The following NAALADL2 variants were observed in gnomAD, a reference collection of about 807,000 sequenced individuals.
The protein encoded by NAALADL2 is inactive N-acetylated-alpha-linked acidic dipeptidase-like protein 2.
Under a neutral mutation model 87.2 loss-of-function variants are expected in NAALADL2, and 76 were observed. The ratio of observed to expected loss-of-function variants is 0.87; its 90% CI spans 0.72 to 1.05. The LOEUF is 1.05. Among genes scored for constraint, NAALADL2 ranks in the 50% least tolerant of loss-of-function variants. The probability of loss-of-function intolerance (pLI) is 0.00; values close to 1 mark genes in which losing one functional copy is unlikely to be tolerated. For missense variants in NAALADL2, 1,089 were observed against 945.8 expected (o/e 1.15, Z -1.99); for synonymous variants, 354 against 331.0 (o/e 1.07, Z -0.75).
chr3:174,866,664 A>T (rs986790070), intron 1 of NAALADL2, among the ~76,000 whole-genome samples: 36 of 151,826 alleles, frequency 2.4e-4, no homozygotes, highest in African/African-American at 8.7e-4. Flanking sequence ...ACTATGGCAG[A>T]TCTGGGGAAG....
intron 2 of NAALADL2, among the ~76,000 whole-genome samples, chr3:174,578,499 C>T (rs1486396298): frequency 6.6e-6 from 1 of 151,874 alleles, no homozygotes; most frequent in Non-Finnish European, 1.5e-5. Context: ...AACAGTCAAC[C>T]TCAAATTCTG....
Position 175,465,464 on chromosome 3 carries a change from G to T in NAALADL2, c.1328-1515G>T, listed in dbSNP as rs1021301679. Among the ~76,000 whole-genome samples, 37 of 136,346 alleles carry T rather than the reference G, an allele frequency of 2.7e-4. 2 individuals are homozygous for T. The highest frequency in any genetic ancestry group is 1.5e-3 in the Admixed American group (18 of 12,024). 89.4% of individuals were successfully genotyped at this position (136,346 alleles called of 152,430 possible). On this transcript the variant is annotated intron_variant, in intron 7 of 13. Coordinates refer to ENST00000454872, the MANE Select transcript of NAALADL2 (RefSeq NM_207015.3). ...CACACTCTCACACTATGTATACCAT[G>T]AATTAAATCTTTTTTTTTTTTTTTT... is the stretch of plus-strand genomic sequence containing the variant.
chr3:175,467,303 C>G, intron 8 of NAALADL2, 119 bp downstream of exon 8: 1 of 745,320 alleles, frequency 1.3e-6, no homozygotes, highest in Non-Finnish European at 2.2e-6. Flanking sequence ...TGTCATATTG[C>G]CTAATTTGCT....
At chr3:175,673,612 T>C (rs1734299990) in intron 11 of NAALADL2, among the ~76,000 whole-genome samples, 1 of 152,072 alleles carries the variant, frequency 6.6e-6, no homozygotes, top group Non-Finnish European at 1.5e-5. Flanking sequence ...AATTATAAGG[T>C]ATTCAGAAGA....
At chr3:175,406,260 T>G (rs2149075669) in intron 5 of NAALADL2, among the ~76,000 whole-genome samples, 1 of 152,372 alleles carries the variant, frequency 6.6e-6, no homozygotes, top group East Asian at 1.9e-4. Flanking sequence ...AGCTTTAAAC[T>G]TTGGATTTAA....
chr3:174,770,067 T>G lies in NAALADL2; in HGVS notation c.-9+32321T>G, dbSNP rs137941850. Among the ~76,000 whole-genome samples, 952 of 152,264 alleles carry G rather than the reference T, an allele frequency of 6.3e-3. 9 individuals carry two copies. The highest frequency in any genetic ancestry group is 0.027 in the Middle Eastern group (8 of 294). On this transcript the variant is annotated intron_variant, in intron 3 of 3. Transcript: ENST00000434257. ...AATATTTAAAACAAGAAGTAATCTG[T>G]TATGTCATATCCATCAACTCTTTCA... is the stretch of plus-strand genomic sequence containing the variant.
chr3:175,061,728 A>AATATATATATATATATAT lies in NAALADL2; in HGVS notation c.44-35054_44-35037dup, dbSNP rs149495848. ...TTAGTTTCACCTGCTCACTTGCACA[A>AATATATATATATATATAT]ATATATATATATATATATATATATA... is the stretch of plus-strand genomic sequence containing the variant. On this transcript the variant is annotated intron_variant, in intron 1 of 13. Coordinates refer to ENST00000454872, the MANE Select transcript of NAALADL2 (RefSeq NM_207015.3). Among the ~76,000 whole-genome samples the AATATATATATATATATAT allele has an allele frequency of 1.9e-3, 273 of 141,510 alleles. 1 individual carries two copies. Among genetic ancestry groups the AATATATATATATATATAT allele is most frequent in the South Asian group, 3.5e-3 (15 of 4,316 alleles). 92.8% of individuals were successfully genotyped at this position (141,510 alleles called of 152,430 possible). A position where few individuals can be genotyped will look rare whatever the true frequency, so the allele number is the denominator to read the frequency against.
chr3:174,447,583 C>T (rs1264694027), intron 1 of NAALADL2, among the ~76,000 whole-genome samples: 3 of 151,978 alleles, frequency 2.0e-5, no homozygotes, highest in African/African-American at 7.3e-5. Flanking sequence ...TTTGGGTGGC[C>T]GAGGTGGGCG....
chr3:174,704,100 G>T (rs1188580308), intron 2 of NAALADL2, among the ~76,000 whole-genome samples: 1 of 152,140 alleles, frequency 6.6e-6, no homozygotes, highest in East Asian at 1.9e-4. Flanking sequence ...TAAGATGAAG[G>T]TCACTCACTC....
At chr3:175,053,888 A>G (rs1711528056) in intron 1 of NAALADL2, among the ~76,000 whole-genome samples, 1 of 152,202 alleles carries the variant, frequency 6.6e-6, no homozygotes, top group African/African-American at 2.4e-5. Context: ...CGCATTAGAT[A>G]TTGCATTAGC....
intron 3 of NAALADL2, among the ~76,000 whole-genome samples, chr3:174,747,048 C>A (rs958765166): frequency 1.3e-5 from 2 of 152,052 alleles, no homozygotes; most frequent in African/African-American, 4.8e-5. Flanking sequence ...GCAACAAAAG[C>A]AATTGCAACA....
intron 3 of NAALADL2, among the ~76,000 whole-genome samples, chr3:174,778,342 T>A (rs1715473956): frequency 6.6e-6 from 1 of 152,078 alleles, no homozygotes; most frequent in Admixed American, 6.6e-5. Flanking sequence ...AGGGTAATTA[T>A]GAAGGGTTTA....
At chr3:174,601,173 A>G (rs1006050969) in intron 2 of NAALADL2, among the ~76,000 whole-genome samples, 1 of 152,060 alleles carries the variant, frequency 6.6e-6, no homozygotes, top group Non-Finnish European at 1.5e-5. Flanking sequence ...AGATTTCTGG[A>G]TCATATGGTA....
chr3:175,289,178 T>G (rs2061259254), intron 4 of NAALADL2, among the ~76,000 whole-genome samples: 2 of 152,166 alleles, frequency 1.3e-5, no homozygotes, highest in Admixed American at 6.5e-5. Context: ...TCTTCGTAAG[T>G]ATCAATTACT....
intron 9 of NAALADL2, among the ~76,000 whole-genome samples, chr3:175,516,996 G>C (rs1006304694): frequency 1.3e-5 from 2 of 152,030 alleles, no homozygotes; most frequent in Admixed American, 1.3e-4. Context: ...GTATCTATTT[G>C]TCTTTCTAAA....
At chr3:174,995,341 C>T (rs1200251069) in intron 1 of NAALADL2, among the ~76,000 whole-genome samples, 1 of 152,014 alleles carries the variant, frequency 6.6e-6, no homozygotes, top group Non-Finnish European at 1.5e-5. Context: ...GTCATAAACC[C>T]ATTTATTTGT....
At chr3:175,348,414 G>A (rs6807589) in intron 5 of NAALADL2, among the ~76,000 whole-genome samples, 70,193 of 152,010 alleles carry the variant, frequency 0.46, 17,151 homozygotes, top group African/African-American at 0.62. Flanking sequence ...TTGTGTATTA[G>A]TTTTCTAGGG....
chr3:175,222,219 C>A (rs1020285372), intron 2 of NAALADL2, among the ~76,000 whole-genome samples: 1 of 152,054 alleles, frequency 6.6e-6, no homozygotes, highest in Admixed American at 6.6e-5. Flanking sequence ...TTTGTATTTC[C>A]TTAGATGTAG....
At chr3:175,320,074 T>C (rs1426682298) in intron 4 of NAALADL2, among the ~76,000 whole-genome samples, 1 of 152,336 alleles carries the variant, frequency 6.6e-6, no homozygotes, top group African/African-American at 2.4e-5. Flanking sequence ...ACTGCCTATA[T>C]TGAATATGAC....
Sources: gnomAD v4.1 joint callset for allele counts (sites outside exome capture counted in the v4.1 genomes callset) on GRCh38, gnomAD v4.1.1 for gene constraint, MANE v1.5 for transcripts, NCBI Gene and HGNC (gene_info 2026-07-23, HGNC 2026-07-21) for gene names.